The following SPEF1 variants were observed in gnomAD, a reference collection of about 807,000 sequenced individuals.
The protein encoded by SPEF1 is sperm flagella and cilia-associated protein 1.
SPEF1 carries 30 observed loss-of-function variants against 31.8 expected under a neutral mutation model. The observed-to-expected ratio is 0.94, with a 90% CI of 0.70 to 1.28. The LOEUF (loss-of-function observed/expected upper bound fraction) is 1.28, where lower values mean the gene tolerates loss of function less well. Among genes scored for constraint, SPEF1 ranks in the 50% most tolerant of loss-of-function variants. The probability of loss-of-function intolerance (pLI) is 0.00; values close to 1 mark genes in which losing one functional copy is unlikely to be tolerated. For missense variants in SPEF1, 298 were observed against 309.6 expected (o/e 0.96, Z 0.28); for synonymous variants, 126 against 130.1 (o/e 0.97, Z 0.21).
In SPEF1 at chr20:3,778,096, C is replaced by T. The variant is rs2088755622; in HGVS notation, c.*116G>A. 1.3e-6 allele frequency: 1 copy of T among 747,396 alleles called. No individual in the cohort carries two copies. Among genetic ancestry groups the T allele is most frequent in the Admixed American group, 3.1e-5 (1 of 32,232 alleles). 46.3% of individuals were successfully genotyped at this position (747,396 alleles called of 1,614,324 possible). On this transcript the variant is annotated 3_prime_UTR_variant, in exon 7 of 7. Coordinates refer to ENST00000379756, the MANE Select transcript of SPEF1 (RefSeq NM_015417.5). ...AGGAGGGCACTCGGGCCCCAGCAGG[C>T]TCGTGAGAGCAGCGGGCTCCGCCCT...
Position 3,778,752 on chromosome 20 carries a change from T to A in SPEF1, c.473A>T (p.Gln158Leu), listed in dbSNP as rs376618461. 3.1e-6 allele frequency: 5 copies of A among 1,613,606 alleles called. No homozygotes were observed. Among genetic ancestry groups the A allele is most frequent in the Non-Finnish European group, 4.2e-6 (5 of 1,179,694 alleles). Residue 158 changes from glutamine (Q) to leucine (L), a missense_variant, in exon 5 of 7, where the codon CAG becomes CTG. Transcript: ENST00000379756. ...GAACTCCCAGCTTCTTTACCTGAGC[T>A]GACCCCCTCCCTGGGGGTCCGGGAC... is the stretch of plus-strand genomic sequence containing the variant. Reference protein sequence around the residue: ...EGVPDPQGGGQLSWDRPPAPR... With the variant: ...EGVPDPQGGGLLSWDRPPAPR...
In SPEF1 at chr20:3,778,743, T is replaced by C. The variant is rs2088761607; in HGVS notation, c.479+3A>G. The C allele has an allele frequency of 6.2e-7, 1 of 1,613,516 alleles. No homozygotes were observed. Among genetic ancestry groups the C allele is most frequent in the African/African-American group, 1.3e-5 (1 of 74,864 alleles). On this transcript the variant is annotated splice_donor_region_variant and intron_variant, in intron 5 of 6. Transcript: ENST00000379756. ...TGAAGTCTGGAACTCCCAGCTTCTT[T>C]ACCTGAGCTGACCCCCTCCCTGGGG...
intron 5 of SPEF1, 24 bp downstream of exon 5, chr20:3,778,720 AAG>A (rs2088761384): frequency 6.2e-7 from 1 of 1,610,298 alleles, no homozygotes; most frequent in South Asian, 1.1e-5. Context: ...CAGCCTGGTG[AAG>A]TCTGGAACTC....
In SPEF1 at chr20:3,778,825, A is replaced by G. The variant is rs2088762330; in HGVS notation, c.419-19T>C. The G allele has an allele frequency of 6.2e-7, 1 of 1,613,766 alleles. No individual in the cohort carries two copies. The highest frequency in any genetic ancestry group is 1.3e-5 in the African/African-American group (1 of 74,890). On this transcript the variant is annotated intron_variant, in intron 4 of 6. Transcript: ENST00000379756. ...GATACACCTGAGACAAGGCAAGTGG[A>G]GGAATGACTGTGCTGGAGTCTCATT...
intron 2 of SPEF1, 42 bp from the exon 3 acceptor site, chr20:3,779,394 A>G: frequency 6.5e-7 from 1 of 1,538,168 alleles, no homozygotes; most frequent in Non-Finnish European, 8.9e-7. Flanking sequence ...GTCCTGGGGA[A>G]ATGAAGCGAG....
rs1240872742 is a variant in SPEF1 at position 3,778,153 on chromosome 20, G to C, written c.*59C>G. ...GGTCTATCCATCGGTGGGTGGGTCC[G>C]GCGCGGCGTCGGGGCTCTGGCGGGT... On this transcript the variant is annotated 3_prime_UTR_variant, in exon 7 of 7. Transcript: ENST00000379756. 1.6e-6 allele frequency: 2 copies of C among 1,258,452 alleles called. No homozygotes were observed. The highest frequency in any genetic ancestry group is 2.2e-6 in the Non-Finnish European group (2 of 921,550). The allele number at this position is 1,258,452 out of a possible 1,614,324, so 78.0% of individuals were successfully genotyped here.
intron 3 of SPEF1, 33 bp downstream of exon 3, chr20:3,779,163 A>G (rs2088764727): frequency 1.3e-6 from 2 of 1,551,862 alleles, no homozygotes; most frequent in Admixed American, 1.9e-5. Context: ...CCCAGCCCCC[A>G]GAGCAGTGGG....
chr20:3,778,793 C>T lies in SPEF1; in HGVS notation c.432G>A (p.Lys144=), dbSNP rs776498075. Residue 144 remains lysine, a synonymous_variant, in exon 5 of 7, where the codon AAG becomes AAA. Coordinates refer to ENST00000379756, the MANE Select transcript of SPEF1 (RefSeq NM_015417.5). ...GGTCCGGGACACCTTCACCTCGGGCCTTCTGGGATACACCTGAGACAAGGC... is the reference window on the plus strand; with the variant it reads ...GGTCCGGGACACCTTCACCTCGGGCTTTCTGGGATACACCTGAGACAAGGC... The part of the protein sequence containing the change: ...SGYMDVGVSQ[K]ARGEGVPDPQ... The T allele has an allele frequency of 5.6e-6, 9 of 1,614,096 alleles. No individual in the cohort carries two copies. The highest frequency in any genetic ancestry group is 7.6e-6 in the Non-Finnish European group (9 of 1,179,998).
At position 3,778,104 on chromosome 20, in the gene SPEF1, A is replaced by C; in HGVS notation, c.*108T>G. ...ACTCGGGCCCCAGCAGGCTCGTGAG[A>C]GCAGCGGGCTCCGCCCTCCCAATGG... On this transcript the variant is annotated 3_prime_UTR_variant, in exon 7 of 7. Coordinates refer to ENST00000379756, the MANE Select transcript of SPEF1 (RefSeq NM_015417.5). The C allele has an allele frequency of 5.0e-6, 4 of 798,178 alleles. No individual in the cohort carries two copies. Among genetic ancestry groups the C allele is most frequent in the Non-Finnish European group, 7.7e-6 (4 of 522,194 alleles). The allele number at this position is 798,178 out of a possible 1,614,324, so 49.4% of individuals were successfully genotyped here.
intron 4 of SPEF1, 47 bp downstream of exon 4, chr20:3,778,904 G>T: frequency 6.2e-7 from 1 of 1,613,606 alleles, no homozygotes; most frequent in Non-Finnish European, 8.5e-7. Flanking sequence ...AAGAAGGACA[G>T]AAGGAAAGCT....
At position 3,781,403 on chromosome 20, in the gene SPEF1, A is replaced by C; in HGVS notation, c.-116T>G. On this transcript the variant is annotated 5_prime_UTR_variant, in exon 1 of 7. It adds an upstream start codon to the 5' untranslated region. Transcript: ENST00000379756. ...AGCCCATAACTGCCTCTGCCTGCCT[A>C]ATCCAGAGACTCACGTCCCAGCTGG... The C allele has an allele frequency of 7.0e-7, 1 of 1,432,930 alleles. No homozygotes were observed. Among genetic ancestry groups the C allele is most frequent in the South Asian group, 1.4e-5 (1 of 73,216 alleles). The allele number at this position is 1,432,930 out of a possible 1,614,324, so 88.8% of individuals were successfully genotyped here.
At position 3,779,072 on chromosome 20, in the gene SPEF1, G is replaced by A. The variant is rs373443673; in HGVS notation, c.379-82C>T. The A allele has an allele frequency of 1.1e-5, 18 of 1,604,876 alleles. No homozygotes were observed. In the African/African-American group the frequency reaches 2.0e-4, roughly 18 times the overall value. ...CCATGTCCCTTCCACGGGCCCCCAG[G>A]CCAGGCTCTATTAGCCAAGCACCCC... On this transcript the variant is annotated intron_variant, in intron 3 of 6. Coordinates refer to ENST00000379756, the MANE Select transcript of SPEF1 (RefSeq NM_015417.5).
Position 3,778,209 on chromosome 20 carries a change from C to G in SPEF1, c.*3G>C. On this transcript the variant is annotated 3_prime_UTR_variant, in exon 7 of 7. Transcript: ENST00000379756. ...GGCGTCCCCGCGCGGCCCGGGCCGCCGCTCACCGCTGCTTACGCTCCGCCT... is the reference window on the plus strand; with the variant it reads ...GGCGTCCCCGCGCGGCCCGGGCCGCGGCTCACCGCTGCTTACGCTCCGCCT... 1 of 1,566,362 alleles carries G rather than the reference C, an allele frequency of 6.4e-7. No individual in the cohort carries two copies.
intron 1 of SPEF1, among the ~76,000 whole-genome samples, 177 bp downstream of exon 1, chr20:3,781,002 C>T (rs2088776192): frequency 6.6e-6 from 1 of 152,184 alleles, no homozygotes; most frequent in Non-Finnish European, 1.5e-5. Context: ...CATATATGGA[C>T]ACACATCGTT....
rs2146634774 is a variant in SPEF1, at chr20:3,778,291, T to C, written c.632A>G (p.Glu211Gly). ...QVLQMKVRRL[E>G]HLLQLKNVRI... ...CACATTCTTGAGCTGGAGCAGGTGC[T>C]CCAGGCGCCTTACCTTCATCTGCAG... Residue 211 changes from glutamate (E) to glycine (G), a missense_variant, in exon 7 of 7, where the codon GAG becomes GGG. Coordinates refer to ENST00000379756, the MANE Select transcript of SPEF1 (RefSeq NM_015417.5). 1 of 1,612,512 alleles carries C rather than the reference T, an allele frequency of 6.2e-7. No individual in the cohort carries two copies. The highest frequency in any genetic ancestry group is 8.5e-7 in the Non-Finnish European group (1 of 1,178,996).
At position 3,781,325 on chromosome 20, in the gene SPEF1, G is replaced by C. The variant is rs747262812; in HGVS notation, c.-38C>G. Reference sequence around the variant, plus strand: ...GGCCTGGCCGCCCCAGCGGTGCCGGGTCCCGCCCCAGCCTCACGACCCTTC... The same window carrying C: ...GGCCTGGCCGCCCCAGCGGTGCCGGCTCCCGCCCCAGCCTCACGACCCTTC... On this transcript the variant is annotated 5_prime_UTR_variant, in exon 1 of 7. Transcript: ENST00000379756. 2 of 1,599,532 alleles carry C rather than the reference G, an allele frequency of 1.3e-6. No homozygotes were observed. Among genetic ancestry groups the C allele is most frequent in the Non-Finnish European group, 1.7e-6 (2 of 1,173,894 alleles).
Position 3,778,103 on chromosome 20 carries a change from G to T in SPEF1, c.*109C>A. On this transcript the variant is annotated 3_prime_UTR_variant, in exon 7 of 7. Coordinates refer to ENST00000379756, the MANE Select transcript of SPEF1 (RefSeq NM_015417.5). ...CACTCGGGCCCCAGCAGGCTCGTGA[G>T]AGCAGCGGGCTCCGCCCTCCCAATG... 1 of 798,260 alleles carries T rather than the reference G, an allele frequency of 1.3e-6. No homozygotes were observed. The highest frequency in any genetic ancestry group is 3.8e-4 in the Middle Eastern group (1 of 2,628). 49.4% of individuals were successfully genotyped at this position (798,260 alleles called of 1,614,324 possible). A position where few individuals can be genotyped will look rare whatever the true frequency, so the allele number is the denominator to read the frequency against.
chr20:3,779,318 C>A lies in SPEF1; in HGVS notation c.256G>T (p.Asp86Tyr). The A allele has an allele frequency of 6.2e-7, 1 of 1,600,888 alleles. No individual in the cohort carries two copies. The highest frequency in any genetic ancestry group is 8.5e-7 in the Non-Finnish European group (1 of 1,172,266). ...VLKRLNFSVP[D>Y]DVMRKIAQCA... is the part of the protein sequence containing the mutation. ...TGCGCGATCTTGCGCATCACGTCAT[C>A]CGGTACTGAAAAGTTCAGCCTCTTC... The change falls in exon 3 of 7, where the codon GAT (aspartate) becomes TAT (tyrosine). Residue 86 changes from aspartate to tyrosine, a missense_variant. Asp to Tyr is a radical substitution (Grantham distance 160). Transcript: ENST00000379756.
At chr20:3,779,883 A>C in intron 1 of SPEF1, 108 bp from the exon 2 acceptor site, 1 of 540,144 alleles carries the variant, frequency 1.9e-6, no homozygotes, top group African/African-American at 1.9e-5. Flanking sequence ...GTGGAACCCA[A>C]TGGAGGGGTG....
Sources: allele counts gnomAD v4.1 joint callset (sites outside exome capture counted in the v4.1 genomes callset), GRCh38; gene constraint gnomAD v4.1.1; transcripts MANE v1.5; gene names NCBI Gene and HGNC (gene_info 2026-07-23, HGNC 2026-07-21).